The following ABCC8 variants were observed in gnomAD, a reference collection of about 807,000 sequenced individuals.
ABCC8 encodes ATP binding cassette subfamily C member 8.
ABCC8 carries 137 observed loss-of-function variants against 188.0 expected under a neutral mutation model. That is an observed-to-expected ratio of 0.73 (90% CI 0.63 to 0.84). ABCC8 has a LOEUF of 0.84. ABCC8 is among the 40% of genes least tolerant of loss of function. ABCC8 has a pLI of 0.00. For missense variants in ABCC8, 1,750 were observed against 2,072.7 expected (o/e 0.84, Z 3.02); for synonymous variants, 797 against 846.5 (o/e 0.94, Z 1.01).
At chr11:17,393,839 G>A in intron 37 of ABCC8, 80 bp from the exon 38 acceptor site, 1 of 1,613,546 alleles carries the variant, frequency 6.2e-7, no homozygotes, top group Non-Finnish European at 8.5e-7. Flanking sequence ...GTGGAGCCCA[G>A]GTCTGTGGCT....
rs1953988886 is a variant in ABCC8 at position 17,397,317 on chromosome 11, T to C, written c.3868-4A>G. On this transcript the variant is annotated splice_polypyrimidine_tract_variant and splice_region_variant and intron_variant, in intron 31 of 38. Coordinates refer to ENST00000389817, the MANE Select transcript of ABCC8 (RefSeq NM_000352.6). ...TCCAGTTGAGGTAGTTGGAGACCTG[T>C]GGGGAGCAAGCCAGTGGCGCACACT... The C allele has an allele frequency of 6.2e-7, 1 of 1,610,466 alleles. No homozygotes were observed. Among genetic ancestry groups the C allele is most frequent in the African/African-American group, 1.3e-5 (1 of 75,046 alleles).
intron 17 of ABCC8, among the ~76,000 whole-genome samples, chr11:17,415,771 G>A (rs1406825357): frequency 6.6e-6 from 1 of 152,174 alleles, no homozygotes; most frequent in Admixed American, 6.5e-5. Flanking sequence ...GCCAGGCCAG[G>A]CCAGGCAGGC....
At chr11:17,474,443 CTG>C (rs1848645603) in intron 2 of ABCC8, among the ~76,000 whole-genome samples, 2 of 152,040 alleles carry the variant, frequency 1.3e-5, no homozygotes, top group Non-Finnish European at 2.9e-5. Flanking sequence ...GTGGGGCTGA[CTG>C]TGAAGACCTT....
intron 29 of ABCC8, among the ~76,000 whole-genome samples, chr11:17,401,109 G>A (rs1357659560): frequency 1.3e-5 from 2 of 152,194 alleles, no homozygotes; most frequent in African/African-American, 4.8e-5. Flanking sequence ...AGGGGCTGTG[G>A]CCCACTCTAG....
intron 3 of ABCC8, among the ~76,000 whole-genome samples, chr11:17,467,770 C>T (rs920341120): frequency 3.3e-5 from 5 of 152,082 alleles, no homozygotes; most frequent in East Asian, 1.9e-4. Context: ...TTCACAGGCA[C>T]GTCCCCTCCA....
chr11:17,401,284 A>G (rs1954227202), intron 29 of ABCC8, among the ~76,000 whole-genome samples: 1 of 152,262 alleles, frequency 6.6e-6, no homozygotes, highest in Non-Finnish European at 1.5e-5. Flanking sequence ...AGGAGACTCT[A>G]GAGTCATAAT....
chr11:17,459,320 T>G (rs983230669), intron 6 of ABCC8, among the ~76,000 whole-genome samples: 5 of 152,216 alleles, frequency 3.3e-5, no homozygotes, highest in Admixed American at 2.0e-4. Context: ...GCTGTTAATA[T>G]TGTTAATCAT....
Position 17,397,051 on chromosome 11 carries a change from G to C in ABCC8, c.3989-5C>G. On this transcript the variant is annotated splice_polypyrimidine_tract_variant and splice_region_variant and intron_variant, in intron 32 of 38. Transcript: ENST00000389817. ...TCTTTGGGATCAGCGATGGTGCTGG[G>C]GGCCGGGCTGGGCTCAGCCACCAGG... The C allele has an allele frequency of 1.2e-6, 2 of 1,614,122 alleles. No homozygotes were observed. Among genetic ancestry groups the C allele is most frequent in the Non-Finnish European group, 1.7e-6 (2 of 1,179,996 alleles).
rs367850779 is a variant in ABCC8, at chr11:17,402,670, C to T, written c.3641G>A (p.Arg1214Gln). 1.2e-5 allele frequency: 20 copies of T among 1,614,088 alleles called. No homozygotes were observed. The highest frequency in any genetic ancestry group is 8.9e-5 in the East Asian group (4 of 44,892). The change falls in exon 29 of 39, where the codon CGG (arginine) becomes CAG (glutamine). Residue 1214 changes from arginine to glutamine, a missense_variant. Coordinates refer to ENST00000389817, the MANE Select transcript of ABCC8 (RefSeq NM_000352.6). ...AETVEGLTTIRAFRYEARFQQ... is the reference protein window; with the variant it reads ...AETVEGLTTIQAFRYEARFQQ... ...GAATGTGGACTCGTACCTGAAGGCC[C>T]GGATGGTGGTGAGTCCTTCTACGGT...
At position 17,412,648 on chromosome 11, in the gene ABCC8, A is replaced by C; in HGVS notation, c.2556+18T>G. On this transcript the variant is annotated intron_variant, in intron 21 of 38. Transcript: ENST00000389817. ...GGAGGCAGCCAGAGACCAGGACCCC[A>C]AGGGAACTTGCACTCACCAAGAAGA... 1 of 1,607,352 alleles carries C rather than the reference A, an allele frequency of 6.2e-7. No individual in the cohort carries two copies. Among genetic ancestry groups the C allele is most frequent in the South Asian group, 1.1e-5 (1 of 89,460 alleles).
chr11:17,441,651 C>A (rs576711365), intron 10 of ABCC8, among the ~76,000 whole-genome samples: 2 of 152,256 alleles, frequency 1.3e-5, no homozygotes, highest in African/African-American at 4.8e-5. Context: ...TGGGATGGGT[C>A]CACGGAGCCA....
intron 10 of ABCC8, among the ~76,000 whole-genome samples, chr11:17,438,525 G>T (rs1009287991): frequency 3.3e-5 from 5 of 152,200 alleles, no homozygotes; most frequent in Non-Finnish European, 7.3e-5. Context: ...TGGACAGAAT[G>T]AACTGGCAGC....
chr11:17,458,320 C>T (rs1957068169), intron 6 of ABCC8, among the ~76,000 whole-genome samples: 1 of 152,182 alleles, frequency 6.6e-6, no homozygotes, highest in Non-Finnish European at 1.5e-5. Context: ...GTAATAAACC[C>T]CAGGGTTTGT....
At position 17,393,848 on chromosome 11, in the gene ABCC8, C is replaced by T. The variant is rs1350783135; in HGVS notation, c.4546-89G>A. The T allele has an allele frequency of 4.3e-6, 7 of 1,613,066 alleles. No individual in the cohort carries two copies. In the East Asian group the frequency reaches 8.9e-5, roughly 21 times the overall value. ...GGGGATGTGGAGCCCAGGTCTGTGG[C>T]TCAGCTCCCATCTGACCCCGATCCT... On this transcript the variant is annotated intron_variant, in intron 37 of 38. Coordinates refer to ENST00000389817, the MANE Select transcript of ABCC8 (RefSeq NM_000352.6).
intron 10 of ABCC8, among the ~76,000 whole-genome samples, chr11:17,436,700 C>T (rs1468429877): frequency 1.3e-5 from 2 of 152,214 alleles, no homozygotes; most frequent in Non-Finnish European, 2.9e-5. Context: ...GTAGGCTGGC[C>T]TGAAAGGCTG....
At position 17,470,157 on chromosome 11, in the gene ABCC8, G is replaced by T. The variant is rs749506839; in HGVS notation, c.356C>A (p.Thr119Asn). The change falls in exon 3 of 39, where the codon ACC (threonine) becomes AAC (asparagine). Residue 119 changes from threonine (T) to asparagine (N), a missense_variant. Thr to Asn is a moderately conservative substitution (Grantham distance 65, BLOSUM62 0). Transcript: ENST00000389817. ...PAGMAFMAAV[T>N]SVVYYHNIET... ...GATGTTGTGATAGTAGACCACGGAG[G>T]TGACAGCAGCCATGAACGCCATCCC... The T allele has an allele frequency of 1.2e-6, 2 of 1,614,188 alleles. No homozygotes were observed. The highest frequency in any genetic ancestry group is 2.2e-5 in the East Asian group (1 of 44,868).
chr11:17,402,343 G>A (rs1412553962), intron 29 of ABCC8, among the ~76,000 whole-genome samples: 2 of 152,190 alleles, frequency 1.3e-5, no homozygotes, highest in Non-Finnish European at 2.9e-5. Context: ...GAAGGGCTTA[G>A]GGTGGCCCGC....
chr11:17,396,141 T>G lies in ABCC8; in HGVS notation c.4120-211A>C, dbSNP rs112016252. 97 of 1,190,960 alleles carry G rather than the reference T, an allele frequency of 8.1e-5. 1 individual carries two copies. The African/African-American group carries it at 1.4e-3, about 17-fold the overall frequency. 73.8% of individuals were successfully genotyped at this position (1,190,960 alleles called of 1,614,324 possible). On this transcript the variant is annotated intron_variant, in intron 33 of 38. Coordinates refer to ENST00000389817, the MANE Select transcript of ABCC8 (RefSeq NM_000352.6). ...GCTTACACAGGGACCGGCACGCAAG[T>G]GCAGGCATGGATGTCCATTTGCCTG...
intron 16 of ABCC8, among the ~76,000 whole-genome samples, chr11:17,422,444 C>G (rs1955388591): frequency 6.6e-6 from 1 of 152,118 alleles, no homozygotes; most frequent in Non-Finnish European, 1.5e-5. Context: ...AGTGCTTTTG[C>G]TAAATGAATT....
Sources: allele counts gnomAD v4.1 joint callset (sites outside exome capture counted in the v4.1 genomes callset), GRCh38; gene constraint gnomAD v4.1.1; transcripts MANE v1.5; gene names NCBI Gene and HGNC (gene_info 2026-07-23, HGNC 2026-07-21).